Variants in DLGAP1 observed in about 807,000 individuals in gnomAD.
DLGAP1 encodes disks large-associated protein 1.
A neutral mutation model predicts 90.8 loss-of-function variants in DLGAP1; 11 were observed. The ratio of observed to expected loss-of-function variants is 0.12; its 90% CI spans 0.08 to 0.20. DLGAP1 has a LOEUF of 0.20. Ranked by LOEUF, DLGAP1 falls within the 10% of genes least tolerant of loss-of-function variation. DLGAP1 has a pLI of 1.00. For missense variants in DLGAP1, 1,050 were observed against 1,333.8 expected, an observed-to-expected ratio of 0.79 and a Z score of 3.31; for synonymous variants, 558 against 540.7, an observed-to-expected ratio of 1.03 and a Z score of -0.44.
At chr18:4,212,845 C>A (rs1002565624) in intron 1 of DLGAP1, among the ~76,000 whole-genome samples, 3 of 151,904 alleles carry the variant, frequency 2.0e-5, no homozygotes, top group Non-Finnish European at 4.4e-5. Flanking sequence ...CAATTTTAAT[C>A]ATTCAAAAAA....
At chr18:4,103,753 T>C (rs996262648) in intron 2 of DLGAP1, among the ~76,000 whole-genome samples, 1 of 152,190 alleles carries the variant, frequency 6.6e-6, no homozygotes, top group Non-Finnish European at 1.5e-5. Context: ...GTCTATTGTT[T>C]GCTATTTCTT....
chr18:3,772,369 T>C (rs371184257), intron 5 of DLGAP1, among the ~76,000 whole-genome samples: 348 of 13,996 alleles, frequency 0.025, 3 homozygotes, highest in Non-Finnish European at 0.055. Context: ...TCTTTCTTTC[T>C]TTCTTTCTTT....
At chr18:3,989,309 T>C (rs1277948700) in intron 3 of DLGAP1, among the ~76,000 whole-genome samples, 1 of 152,172 alleles carries the variant, frequency 6.6e-6, no homozygotes, top group Non-Finnish European at 1.5e-5. Flanking sequence ...TTTAATAAAG[T>C]GGCAAAGCAC....
chr18:4,020,519 A>G lies in DLGAP1; in HGVS notation c.-158-15318T>C, dbSNP rs370141762. On this transcript the variant is annotated intron_variant, in intron 2 of 12. Coordinates refer to ENST00000315677, the MANE Select transcript of DLGAP1 (RefSeq NM_004746.4). ...TCCCCACTAAATCTCATGTTGAAAC[A>G]TAATCCTTGGTGTTGGAGGTGGAGC... Among the ~76,000 whole-genome samples the G allele has an allele frequency of 2.0e-4, 31 of 152,324 alleles. No homozygotes were observed. The South Asian group carries it at 6.2e-3, about 31-fold the overall frequency.
At chr18:4,401,235 C>T (rs1485879899) in intron 1 of DLGAP1, among the ~76,000 whole-genome samples, 1 of 152,184 alleles carries the variant, frequency 6.6e-6, no homozygotes, top group Non-Finnish European at 1.5e-5. Flanking sequence ...TTTGTCAAAA[C>T]GGGTTCTACA....
intron 1 of DLGAP1, among the ~76,000 whole-genome samples, chr18:4,375,983 T>G (rs1010403326): frequency 5.9e-5 from 9 of 152,188 alleles, no homozygotes; most frequent in African/African-American, 2.2e-4. Context: ...ACAGATGATT[T>G]TAATTTATAA....
At chr18:3,733,978 T>C (rs2062542572) in intron 6 of DLGAP1, among the ~76,000 whole-genome samples, 1 of 152,352 alleles carries the variant, frequency 6.6e-6, no homozygotes, top group Admixed American at 6.5e-5. Flanking sequence ...TAAAGTCTTG[T>C]AATTTTACAA....
At chr18:3,734,920 T>A (rs2062579686) in intron 6 of DLGAP1, among the ~76,000 whole-genome samples, 1 of 152,208 alleles carries the variant, frequency 6.6e-6, no homozygotes, top group Non-Finnish European at 1.5e-5. Context: ...AATAGATCTT[T>A]TACTTTATAT....
chr18:4,000,172 C>T (rs7236587), intron 3 of DLGAP1, among the ~76,000 whole-genome samples: 6,665 of 152,138 alleles, frequency 0.044, 369 homozygotes, highest in African/African-American at 0.13. Context: ...TTATTAACAT[C>T]TTCATATTAT....
chr18:4,219,027 G>GTTTTTTTTTTTTTTTTT (rs34333673), intron 1 of DLGAP1, among the ~76,000 whole-genome samples: 1 of 92,022 alleles, frequency 1.1e-5, no homozygotes, highest in African/African-American at 4.4e-5. Context: ...TTCTATCTTT[G>GTTTTTTTTTTTTTTTTT]TTTTTTTTTT....
Position 4,186,450 on chromosome 18 carries a change from G to A in DLGAP1, c.-266-35163C>T, listed in dbSNP as rs367811471. Among the ~76,000 whole-genome samples, 211 of 152,162 alleles carry A rather than the reference G, an allele frequency of 1.4e-3. 1 individual carries two copies. In the South Asian group the frequency reaches 0.015, roughly 10 times the overall value. The stretch of plus-strand genomic sequence containing the variant: ...TTTAACCTGTCTTTCATTGATTTTT[G>A]TACATGGTGTGAGGAAGGGGTCAAT... On this transcript the variant is annotated intron_variant, in intron 1 of 12. Coordinates refer to ENST00000315677, the MANE Select transcript of DLGAP1 (RefSeq NM_004746.4).
chr18:4,275,924 T>C (rs918797315), intron 1 of DLGAP1, among the ~76,000 whole-genome samples: 1 of 152,052 alleles, frequency 6.6e-6, no homozygotes. Flanking sequence ...TGCTCAAATA[T>C]CAGAAAGTTA....
intron 7 of DLGAP1, chr18:3,604,465 CACACACAT>C (rs2057230040): frequency 6.6e-6 from 1 of 151,914 alleles, no homozygotes; most frequent in South Asian, 2.1e-4. Context: ...CGCACACACA[CACACACAT>C]ACACACAAAA....
At chr18:4,086,200 C>A (rs567806569) in intron 2 of DLGAP1, among the ~76,000 whole-genome samples, 3 of 152,132 alleles carry the variant, frequency 2.0e-5, no homozygotes, top group East Asian at 3.9e-4. Flanking sequence ...TGGGAAGCTG[C>A]TGGATCAAAT....
Position 3,880,144 on chromosome 18 carries a change from G to A in DLGAP1, c.-72-4C>T. On this transcript the variant is annotated splice_polypyrimidine_tract_variant and splice_region_variant and intron_variant, in intron 3 of 12. Transcript: ENST00000315677. ...CAGACCCGTCTTGGGCAGGGATCTGGGGGAATGAAGAAAAGGGCAAAGTCG... is the reference window on the plus strand; with the variant it reads ...CAGACCCGTCTTGGGCAGGGATCTGAGGGAATGAAGAAAAGGGCAAAGTCG... 1.4e-6 allele frequency: 2 copies of A among 1,390,688 alleles called. No homozygotes were observed. Among genetic ancestry groups the A allele is most frequent in the Admixed American group, 3.6e-5 (2 of 55,728 alleles). 86.1% of individuals were successfully genotyped at this position (1,390,688 alleles called of 1,614,324 possible).
At chr18:3,599,258 G>A (rs1192146165) in intron 7 of DLGAP1, among the ~76,000 whole-genome samples, 4 of 152,166 alleles carry the variant, frequency 2.6e-5, no homozygotes, top group African/African-American at 9.7e-5. Context: ...TTTACCTATA[G>A]TCTCATTAAA....
intron 9 of DLGAP1, among the ~76,000 whole-genome samples, chr18:3,553,318 G>A (rs2053577798): frequency 6.6e-6 from 1 of 152,122 alleles, no homozygotes; most frequent in Non-Finnish European, 1.5e-5. Context: ...AATGTTCGTG[G>A]AAAAAGTGTG....
chr18:3,856,589 C>T (rs996297642), intron 4 of DLGAP1, among the ~76,000 whole-genome samples: 7 of 152,026 alleles, frequency 4.6e-5, no homozygotes, highest in Admixed American at 2.0e-4. Context: ...AGGCCAGACG[C>T]GGTGGCTCAT....
chr18:4,382,286 C>T (rs998187879), intron 1 of DLGAP1, among the ~76,000 whole-genome samples: 10 of 152,022 alleles, frequency 6.6e-5, no homozygotes, highest in African/African-American at 1.9e-4. Context: ...ATATATATAA[C>T]GAGGATAATT....
Sources: gnomAD v4.1 joint callset for allele counts (sites outside exome capture counted in the v4.1 genomes callset) on GRCh38, gnomAD v4.1.1 for gene constraint, MANE v1.5 for transcripts, NCBI Gene and HGNC (gene_info 2026-07-23, HGNC 2026-07-21) for gene names.